ARHGDIA: variants seen among roughly 807,000 people sequenced by gnomAD.
ARHGDIA encodes the protein Rho GDP dissociation inhibitor alpha, also known as rho GDP-dissociation inhibitor 1.
Under a neutral mutation model 25.0 loss-of-function variants are expected in ARHGDIA, and 9 were observed. That is an observed-to-expected ratio of 0.36 (90% CI 0.22 to 0.63). ARHGDIA has a LOEUF of 0.63. Ranked by LOEUF, ARHGDIA falls within the 20% of genes least tolerant of loss-of-function variation. The pLI is 0.69. For synonymous variants in ARHGDIA, 166 were observed against 111.5 expected, an observed-to-expected ratio of 1.49 and a Z score of -3.08; for missense variants, 239 against 264.3, an observed-to-expected ratio of 0.90 and a Z score of 0.66.
Position 81,868,383 on chromosome 17 carries a change from A to G in ARHGDIA, c.*493T>C. The stretch of plus-strand genomic sequence containing the variant: ...CCACATGTTAAGGCATCATGGTTAG[A>G]CGGGACCGACAGCGACAAGGGGGCT... On this transcript the variant is annotated 3_prime_UTR_variant, in exon 6 of 6. Transcript: ENST00000269321. 1 of 1,443,732 alleles carries G rather than the reference A, an allele frequency of 6.9e-7. No homozygotes were observed. Among genetic ancestry groups the G allele is most frequent in the Non-Finnish European group, 9.1e-7 (1 of 1,102,612 alleles). The allele number at this position is 1,443,732 out of a possible 1,614,324, so 89.4% of individuals were successfully genotyped here.
chr17:81,868,227 G>T lies in ARHGDIA; in HGVS notation c.*649C>A. ...GGGGCAGGCTGGCCAGGCACTGGTGGGCTGGGGAGCAGCAGCAGCACACCC... is the reference window on the plus strand; with the variant it reads ...GGGGCAGGCTGGCCAGGCACTGGTGTGCTGGGGAGCAGCAGCAGCACACCC... On this transcript the variant is annotated 3_prime_UTR_variant, in exon 6 of 6. Transcript: ENST00000269321. 1 of 850,894 alleles carries T rather than the reference G, an allele frequency of 1.2e-6. No homozygotes were observed. Among genetic ancestry groups the T allele is most frequent in the Non-Finnish European group, 1.7e-6 (1 of 584,438 alleles). 52.7% of individuals were successfully genotyped at this position (850,894 alleles called of 1,614,324 possible).
Position 81,868,463 on chromosome 17 carries a change from CCA to C in ARHGDIA, c.*411_*412del. On this transcript the variant is annotated 3_prime_UTR_variant, in exon 6 of 6. Coordinates refer to ENST00000269321, the MANE Select transcript of ARHGDIA (RefSeq NM_004309.6). ...CCCGGCCCCCACGAGGCCGTGCATC[CCA>C]CACCCCAGCTCCACCCCGGAGCAGC... 2 of 1,511,092 alleles carry C rather than the reference CCA, an allele frequency of 1.3e-6. No individual in the cohort carries two copies. Among genetic ancestry groups the C allele is most frequent in the Middle Eastern group, 1.7e-4 (1 of 5,846 alleles). The allele number at this position is 1,511,092 out of a possible 1,614,324, so 93.6% of individuals were successfully genotyped here. A position where few individuals can be genotyped will look rare whatever the true frequency, so the allele number is the denominator to read the frequency against.
intron 1 of ARHGDIA, 198 bp from the exon 2 acceptor site, chr17:81,870,155 G>A (rs374068675): frequency 1.8e-6 from 1 of 570,710 alleles, no homozygotes. Context: ...TAACATCTAA[G>A]ACAAAATGGG....
Position 81,869,177 on chromosome 17 carries a change from G to A in ARHGDIA, c.411C>T (p.Val137=). The A allele has an allele frequency of 6.2e-7, 1 of 1,613,812 alleles. No individual in the cohort carries two copies. Among genetic ancestry groups the A allele is most frequent in the Admixed American group, 1.7e-5 (1 of 59,984 alleles). The change falls in exon 5 of 6, where the codon GTC becomes GTT. Residue 137 remains valine, a synonymous_variant. Transcript: ENST00000269321. ...KYIQHTYRKG[V]KIDKTDYMVG... Reference sequence around the variant, plus strand: ...CCTGCCCGGGGCCCCACTCACTCTTGACGCCTTTCCTGTACGTATGCTGGA... The same window carrying A: ...CCTGCCCGGGGCCCCACTCACTCTTAACGCCTTTCCTGTACGTATGCTGGA...
Position 81,868,669 on chromosome 17 carries a change from A to AC in ARHGDIA, c.*206dup. On this transcript the variant is annotated 3_prime_UTR_variant, in exon 6 of 6. Coordinates refer to ENST00000269321, the MANE Select transcript of ARHGDIA (RefSeq NM_004309.6). Reference sequence around the variant, plus strand: ...GGCAGAAGCAGCAACGAGACAGGAGACCGAGGAGGCTGGGCCTGTGGGTGG... The same window carrying AC: ...GGCAGAAGCAGCAACGAGACAGGAGACCCGAGGAGGCTGGGCCTGTGGGTGG... 6.5e-7 allele frequency: 1 copy of AC among 1,534,700 alleles called. No individual in the cohort carries two copies. Among genetic ancestry groups the AC allele is most frequent in the South Asian group, 1.2e-5 (1 of 83,506 alleles).
At chr17:81,870,623 G>C (rs1363711609) in intron 1 of ARHGDIA, 1 of 152,334 alleles carries the variant, frequency 6.6e-6, no homozygotes, top group Non-Finnish European at 1.5e-5. Flanking sequence ...GGAGTGCCCG[G>C]GGCAGCACTG....
At chr17:81,870,155 G>C in intron 1 of ARHGDIA, 198 bp from the exon 2 acceptor site, 1 of 570,710 alleles carries the variant, frequency 1.8e-6, no homozygotes, top group East Asian at 2.9e-5. Flanking sequence ...TAACATCTAA[G>C]ACAAAATGGG....
At position 81,869,196 on chromosome 17, in the gene ARHGDIA, T is replaced by A; in HGVS notation, c.392A>T (p.His131Leu). 3.7e-6 allele frequency: 6 copies of A among 1,613,780 alleles called. No individual in the cohort carries two copies. The highest frequency in any genetic ancestry group is 5.1e-6 in the Non-Finnish European group (6 of 1,179,912). The change falls in exon 5 of 6, where the codon CAT becomes CTT. Residue 131 changes from histidine (H) to leucine (L), a missense_variant. Physicochemically the swap from His to Leu is moderately conservative, Grantham distance 99 (BLOSUM62 -3). Around this residue, in one of 3 missense-constraint regions of ARHGDIA, gnomAD observed 75 missense variants for 122.4 expected, o/e 0.61. Transcript: ENST00000269321. ...ACTCTTGACGCCTTTCCTGTACGTATGCTGGATGTACTTCATGCCGGACAC... is the reference window on the plus strand; with the variant it reads ...ACTCTTGACGCCTTTCCTGTACGTAAGCTGGATGTACTTCATGCCGGACAC... Reference protein sequence around the residue: ...EIVSGMKYIQHTYRKGVKIDK... With the variant: ...EIVSGMKYIQLTYRKGVKIDK...
chr17:81,869,496 T>TC (rs2039202215), intron 3 of ARHGDIA, 46 bp downstream of exon 3: 1 of 1,608,516 alleles, frequency 6.2e-7, no homozygotes, highest in African/African-American at 1.3e-5. Context: ...CTTCCCGAGA[T>TC]CCCCACCAGG....
chr17:81,868,390 C>T lies in ARHGDIA; in HGVS notation c.*486G>A, dbSNP rs981455275. 42 of 1,444,580 alleles carry T rather than the reference C, an allele frequency of 2.9e-5. No homozygotes were observed. The highest frequency in any genetic ancestry group is 3.5e-5 in the Non-Finnish European group (39 of 1,103,102). 89.5% of individuals were successfully genotyped at this position (1,444,580 alleles called of 1,614,324 possible). On this transcript the variant is annotated 3_prime_UTR_variant, in exon 6 of 6. Coordinates refer to ENST00000269321, the MANE Select transcript of ARHGDIA (RefSeq NM_004309.6). The stretch of plus-strand genomic sequence containing the variant: ...TTAAGGCATCATGGTTAGACGGGAC[C>T]GACAGCGACAAGGGGGCTGGCCAGG...
rs1164998032 is a variant in ARHGDIA at position 81,869,769 on chromosome 17, G to A, written c.162C>T (p.Ala54=). The A allele has an allele frequency of 1.2e-6, 2 of 1,613,682 alleles. No homozygotes were observed. The highest frequency in any genetic ancestry group is 1.6e-4 in the Middle Eastern group (1 of 6,078). The change falls in exon 2 of 6, where the codon GCC becomes GCT. Residue 54 remains alanine (A), a synonymous_variant. Coordinates refer to ENST00000269321, the MANE Select transcript of ARHGDIA (RefSeq NM_004309.6). ...CGGAAACGGCCACGCGGCCCAGCAG[G>A]GCCTCCTTGTACTTTCGCAGGCTCT... ...DDESLRKYKE[A]LLGRVAVSAD...
chr17:81,867,898 C>G lies in ARHGDIA; in HGVS notation c.*978G>C, dbSNP rs1419311521. On this transcript the variant is annotated 3_prime_UTR_variant, in exon 6 of 6. Coordinates refer to ENST00000269321, the MANE Select transcript of ARHGDIA (RefSeq NM_004309.6). The stretch of plus-strand genomic sequence containing the variant: ...CCTGGCTGGGTCAGGGAAGGCCTGC[C>G]GGGGGTGGTGGCACTGAGAGCCTGG... The G allele has an allele frequency of 7.0e-5, 11 of 156,230 alleles. No homozygotes were observed. In the Admixed American group the frequency reaches 7.1e-4, roughly 10 times the overall value. The allele number at this position is 156,230 out of a possible 1,614,324, so 9.7% of individuals were successfully genotyped here. A position where few individuals can be genotyped will look rare whatever the true frequency, so the allele number is the denominator to read the frequency against.
In ARHGDIA at chr17:81,869,854, T is replaced by C. The variant is rs2039229424; in HGVS notation, c.77A>G (p.Asn26Ser). 1.4e-5 allele frequency: 23 copies of C among 1,614,122 alleles called. No homozygotes were observed. The highest frequency in any genetic ancestry group is 1.9e-5 in the Non-Finnish European group (23 of 1,180,004). Reference protein sequence around the residue: ...AENEEDEHSVNYKPPAQKSIQ... With the variant: ...AENEEDEHSVSYKPPAQKSIQ... ...GCTCTTCTGGGCCGGGGGCTTGTAG[T>C]TGACCGAGTGCTCATCCTCCTCGTT... The change falls in exon 2 of 6, where the codon AAC becomes AGC. Residue 26 changes from asparagine to serine, a missense_variant. Physicochemically the swap from Asn to Ser is conservative, Grantham distance 46 (BLOSUM62 1). Coordinates refer to ENST00000269321, the MANE Select transcript of ARHGDIA (RefSeq NM_004309.6).
Position 81,869,535 on chromosome 17 carries a change from C to T in ARHGDIA, c.274+7G>A. ...CGCCCGGACCCCCGCGGCCGCAGGG[C>T]ACTCACCCGTCAGGTCCAGCTCCAG... On this transcript the variant is annotated splice_region_variant and intron_variant, in intron 3 of 5. Transcript: ENST00000269321. 6.3e-7 allele frequency: 1 copy of T among 1,595,346 alleles called. No individual in the cohort carries two copies. Among genetic ancestry groups the T allele is most frequent in the South Asian group, 1.1e-5 (1 of 88,956 alleles).
chr17:81,869,773 T>C lies in ARHGDIA; in HGVS notation c.158A>G (p.Glu53Gly). ...AACGGCCACGCGGCCCAGCAGGGCC[T>C]CCTTGTACTTTCGCAGGCTCTCGTC... ...KDDESLRKYK[E>G]ALLGRVAVSA... Residue 53 changes from glutamate to glycine, a missense_variant, in exon 2 of 6, where the codon GAG (glutamate) becomes GGG (glycine). Transcript: ENST00000269321. 6.2e-7 allele frequency: 1 copy of C among 1,613,890 alleles called. No individual in the cohort carries two copies. Among genetic ancestry groups the C allele is most frequent in the Non-Finnish European group, 8.5e-7 (1 of 1,179,950 alleles).
intron 1 of ARHGDIA, chr17:81,870,820 A>T (rs1192160306): frequency 6.6e-6 from 1 of 151,894 alleles, no homozygotes; most frequent in East Asian, 1.9e-4. Flanking sequence ...GCACTTCCGC[A>T]GGGCCCGCAA....
rs563695856 is a variant in ARHGDIA at position 81,868,168 on chromosome 17, G to A, written c.*708C>T. ...TTGGCAATTTGGCTTTCCCCAAGCC[G>A]CCGGAGCCATCTCCACAGCCCTGTC... is the stretch of plus-strand genomic sequence containing the variant. On this transcript the variant is annotated 3_prime_UTR_variant, in exon 6 of 6. Transcript: ENST00000269321. The A allele has an allele frequency of 3.1e-5, 17 of 541,048 alleles. No individual in the cohort carries two copies. Among genetic ancestry groups the A allele is most frequent in the Middle Eastern group, 4.9e-4 (1 of 2,024 alleles). The allele number at this position is 541,048 out of a possible 1,614,324, so 33.5% of individuals were successfully genotyped here.
chr17:81,870,142 G>C, intron 1 of ARHGDIA, 185 bp from the exon 2 acceptor site: 1 of 597,502 alleles, frequency 1.7e-6, no homozygotes, highest in Non-Finnish European at 2.9e-6. Flanking sequence ...CCCACCCCAG[G>C]TATAACATCT....
chr17:81,869,411 T>TG lies in ARHGDIA; in HGVS notation c.275-6dup, dbSNP rs759924169. The TG allele has an allele frequency of 1.2e-6, 2 of 1,613,658 alleles. No homozygotes were observed. The highest frequency in any genetic ancestry group is 1.7e-6 in the Non-Finnish European group (2 of 1,179,940). ...TCTTGAAGCTCTCCAGGTCGCCTGTTGGGGGGACCTCCCCCTCAATGACTG... is the reference window on the plus strand; with the variant it reads ...TCTTGAAGCTCTCCAGGTCGCCTGTTGGGGGGGACCTCCCCCTCAATGACTG... On this transcript the variant is annotated splice_polypyrimidine_tract_variant and splice_region_variant and intron_variant, in intron 3 of 5. Transcript: ENST00000269321.
Sources: gnomAD v4.1 joint callset for allele counts on GRCh38, gnomAD v4.1.1 for gene constraint, gnomAD v4.1.1 regional missense constraint, MANE v1.5 for transcripts, NCBI Gene and HGNC (gene_info 2026-07-23, HGNC 2026-07-21) for gene names.